Variants in HCN1 observed in about 807,000 individuals in gnomAD.
HCN1 encodes potassium/sodium hyperpolarization-activated cyclic nucleotide-gated channel 1.
In HCN1, 13 loss-of-function variants were observed where a neutral mutation model predicts 78.9. That is an observed-to-expected ratio of 0.16 (90% confidence interval 0.11 to 0.26). The LOEUF (loss-of-function observed/expected upper bound fraction) is 0.26. Among genes scored for constraint, HCN1 ranks in the 10% least tolerant of loss-of-function variants. The pLI, the probability that HCN1 is intolerant of heterozygous loss-of-function variation, is 1.00. For missense variants in HCN1, 810 were observed against 1,154.3 expected (o/e 0.70, Z 4.32); for synonymous variants, 552 against 455.5 (o/e 1.21, Z -2.70).
chr5:45,676,321 TACAC>T (rs1299233191), intron 1 of HCN1, among the ~76,000 whole-genome samples: 1 of 151,752 alleles, frequency 6.6e-6, no homozygotes, highest in African/African-American at 2.4e-5. Context: ...ACTAGACAAA[TACAC>T]ACATATATGC....
intron 2 of HCN1, among the ~76,000 whole-genome samples, chr5:45,638,164 T>G (rs183701210): frequency 6.6e-6 from 1 of 152,210 alleles, no homozygotes; most frequent in Admixed American, 6.5e-5. Context: ...TTTAGATTTC[T>G]GACTTGAGCA....
At chr5:45,479,762 T>C (rs1181241208) in intron 2 of HCN1, among the ~76,000 whole-genome samples, 4 of 152,198 alleles carry the variant, frequency 2.6e-5, no homozygotes, top group Non-Finnish European at 4.4e-5. Flanking sequence ...GCTTAACCCA[T>C]TGGAAATATC....
chr5:45,517,209 G>C (rs1347657331), intron 2 of HCN1, among the ~76,000 whole-genome samples: 1 of 151,874 alleles, frequency 6.6e-6, no homozygotes, highest in Non-Finnish European at 1.5e-5. Context: ...ATTAAACCAC[G>C]ATAGTCAGAA....
At chr5:45,552,107 T>G (rs1743381655) in intron 2 of HCN1, among the ~76,000 whole-genome samples, 1 of 151,928 alleles carries the variant, frequency 6.6e-6, no homozygotes, top group African/African-American at 2.4e-5. Flanking sequence ...CACAAGCAGA[T>G]TCATCCTCAA....
chr5:45,415,002 ACT>A (rs745746269), intron 3 of HCN1, among the ~76,000 whole-genome samples: 1 of 151,932 alleles, frequency 6.6e-6, no homozygotes. Flanking sequence ...ACTTCCGTAC[ACT>A]CTGTCACAAT....
intron 4 of HCN1, among the ~76,000 whole-genome samples, chr5:45,375,369 AAT>A (rs1204043956): frequency 6.6e-4 from 83 of 125,718 alleles, no homozygotes; most frequent in Admixed American, 2.0e-3. Flanking sequence ...TATGATATAC[AAT>A]ATATATAATA....
chr5:45,606,729 C>T (rs938942708), intron 2 of HCN1, among the ~76,000 whole-genome samples: 3 of 151,924 alleles, frequency 2.0e-5, no homozygotes, highest in African/African-American at 7.2e-5. Flanking sequence ...ATAAACCCCA[C>T]TAAAGTACAA....
chr5:45,522,392 T>C (rs1229717427), intron 2 of HCN1, among the ~76,000 whole-genome samples: 1 of 152,020 alleles, frequency 6.6e-6, no homozygotes, highest in Non-Finnish European at 1.5e-5. Context: ...AATTAAATTA[T>C]GCATTGAGTT....
intron 1 of HCN1, among the ~76,000 whole-genome samples, chr5:45,690,245 T>A (rs1254628469): frequency 1.3e-5 from 2 of 152,126 alleles, no homozygotes; most frequent in East Asian, 3.8e-4. Flanking sequence ...AATAAAATTA[T>A]AAGTTGTAAA....
Position 45,487,542 on chromosome 5 carries a change from G to A in HCN1, c.850-25535C>T, listed in dbSNP as rs530386797. Among the ~76,000 whole-genome samples the A allele has an allele frequency of 2.6e-5, 4 of 151,950 alleles. No homozygotes were observed. The South Asian group carries it at 8.3e-4, about 31-fold the overall frequency. ...ATTTCAAAATTAAAAGGCATATACT[G>A]TCAGAGTTTTGCCCCTGTGTGCACT... On this transcript the variant is annotated intron_variant, in intron 2 of 7. Coordinates refer to ENST00000303230, the MANE Select transcript of HCN1 (RefSeq NM_021072.4).
chr5:45,421,718 A>C (rs1740233065), intron 3 of HCN1, among the ~76,000 whole-genome samples: 1 of 152,228 alleles, frequency 6.6e-6, no homozygotes, highest in African/African-American at 2.4e-5. Context: ...ACTCGAATAA[A>C]ATACAATGGA....
intron 2 of HCN1, among the ~76,000 whole-genome samples, chr5:45,580,666 C>T (rs115054924): frequency 0.011 from 1,703 of 152,162 alleles, 18 homozygotes; most frequent in Middle Eastern, 0.02. Context: ...TTAGGTATAT[C>T]TCATAATGCT....
intron 2 of HCN1, among the ~76,000 whole-genome samples, chr5:45,508,811 AAACT>A (rs1348354469): frequency 6.6e-6 from 1 of 152,182 alleles, no homozygotes; most frequent in Non-Finnish European, 1.5e-5. Flanking sequence ...TTAGTTTGAT[AAACT>A]AATAGATAAA....
At chr5:45,385,251 T>TTAGGTTTTATAAAACATGGGGA (rs1747888609) in intron 4 of HCN1, among the ~76,000 whole-genome samples, 2 of 152,086 alleles carry the variant, frequency 1.3e-5, no homozygotes, top group African/African-American at 4.8e-5. Flanking sequence ...GGACCTAATA[T>TTAGGTTTTATAAAACATGGGGA]CCCTTATTGC....
intron 2 of HCN1, among the ~76,000 whole-genome samples, chr5:45,549,608 C>T (rs890541952): frequency 4.7e-4 from 72 of 152,242 alleles, no homozygotes; most frequent in African/African-American, 1.7e-3. Flanking sequence ...ATGTCTAAAA[C>T]ACCAAAAGTA....
At chr5:45,319,141 C>T (rs1334264424) in intron 5 of HCN1, among the ~76,000 whole-genome samples, 2 of 151,934 alleles carry the variant, frequency 1.3e-5, no homozygotes, top group Non-Finnish European at 2.9e-5. Context: ...AAATAAATGT[C>T]AGCTAAAAAT....
At position 45,262,488 on chromosome 5, in the gene HCN1, C is replaced by T. The variant is rs1344539030; in HGVS notation, c.2106G>A (p.Ala702=). 3 of 1,612,652 alleles carry T rather than the reference C, an allele frequency of 1.9e-6. No individual in the cohort carries two copies. Among genetic ancestry groups the T allele is most frequent in the Non-Finnish European group, 2.5e-6 (3 of 1,179,772 alleles). The change falls in exon 8 of 8, where the codon GCG becomes GCA. Residue 702 remains alanine (A), a synonymous_variant. Transcript: ENST00000303230. ...AILSPCSYTT[A]VCSPPVQSPL... is the part of the protein sequence containing the mutation. The stretch of plus-strand genomic sequence containing the variant: ...GGCTCTGTACAGGAGGGCTGCAGAC[C>T]GCGGTGGTGTAGGAGCAGGGTGACA...
At chr5:45,592,453 A>G (rs910474879) in intron 2 of HCN1, among the ~76,000 whole-genome samples, 3 of 152,178 alleles carry the variant, frequency 2.0e-5, no homozygotes, top group Non-Finnish European at 4.4e-5. Flanking sequence ...GAGAAAGAAA[A>G]CAAATAATAG....
intron 4 of HCN1, among the ~76,000 whole-genome samples, chr5:45,392,251 G>T (rs1739581809): frequency 6.6e-6 from 1 of 151,938 alleles, no homozygotes; most frequent in East Asian, 1.9e-4. Context: ...GAAATATTAG[G>T]TTGATTTAAA....
Sources: allele counts gnomAD v4.1 joint callset (sites outside exome capture counted in the v4.1 genomes callset), GRCh38; gene constraint gnomAD v4.1.1; transcripts MANE v1.5; gene names NCBI Gene and HGNC (gene_info 2026-07-23, HGNC 2026-07-21).